Variants in CDH13 observed in about 807,000 individuals in gnomAD.
CDH13 encodes the protein cadherin 13, also known as cadherin-13.
A neutral mutation model predicts 63.8 loss-of-function variants in CDH13; 24 were observed. The ratio of observed to expected loss-of-function variants is 0.38; its 90% CI spans 0.27 to 0.53. The LOEUF (loss-of-function observed/expected upper bound fraction) is 0.53, where lower values mean the gene tolerates loss of function less well. Ranked by LOEUF, CDH13 falls within the 20% of genes least tolerant of loss-of-function variation. CDH13 has a pLI of 0.85. For missense variants in CDH13, 1,049 were observed against 903.1 expected, an observed-to-expected ratio of 1.16 and a Z score of -2.07; for synonymous variants, 503 against 355.3, an observed-to-expected ratio of 1.42 and a Z score of -4.67.
rs116321839 is a variant in CDH13 at position 82,679,528 on chromosome 16, G to A, written c.45+52391G>A. ...GGTAAGATGCCAAATGGTGGAAACC[G>A]AGGCAGAAGATAGTCCTCTGGACAA... On this transcript the variant is annotated intron_variant, in intron 1 of 13. Coordinates refer to ENST00000567109, the MANE Select transcript of CDH13 (RefSeq NM_001257.5). 1.0e-2 allele frequency among the ~76,000 whole-genome samples: 1,516 copies of A among 152,278 alleles called. 20 individuals are homozygous for A. Among genetic ancestry groups the A allele is most frequent in the African/African-American group, 0.033 (1,391 of 41,560 alleles).
At chr16:83,039,023 G>C (rs934688491) in intron 3 of CDH13, among the ~76,000 whole-genome samples, 7 of 152,190 alleles carry the variant, frequency 4.6e-5, no homozygotes, top group Admixed American at 4.6e-4. Flanking sequence ...TTGAAACATG[G>C]AAGCCCACAC....
intron 1 of CDH13, among the ~76,000 whole-genome samples, chr16:82,701,453 A>C (rs1233188025): frequency 3.3e-5 from 5 of 152,136 alleles, no homozygotes; most frequent in African/African-American, 4.8e-5. Context: ...CAAGTGATAG[A>C]AACCTACTCC....
chr16:83,235,464 A>G (rs1000410075), intron 5 of CDH13, among the ~76,000 whole-genome samples: 5 of 152,206 alleles, frequency 3.3e-5, no homozygotes, highest in Non-Finnish European at 5.9e-5. Context: ...GAATCGTGGC[A>G]TGTCAGGGCT....
intron 3 of CDH13, among the ~76,000 whole-genome samples, chr16:83,048,548 G>C (rs1300282927): frequency 2.6e-5 from 4 of 152,060 alleles, no homozygotes. Flanking sequence ...TTGTACTCTA[G>C]TGCCTACAGT....
intron 5 of CDH13, among the ~76,000 whole-genome samples, chr16:83,255,265 T>C (rs1401717523): frequency 2.0e-5 from 3 of 152,136 alleles, no homozygotes; most frequent in African/African-American, 7.2e-5. Flanking sequence ...GGCTTGGCAA[T>C]TAAAAAGACA....
intron 2 of CDH13, among the ~76,000 whole-genome samples, chr16:83,004,730 T>A (rs1913301230): frequency 6.6e-6 from 1 of 152,164 alleles, no homozygotes; most frequent in Non-Finnish European, 1.5e-5. Context: ...TGACCTCAAG[T>A]GATCCGCCCA....
chr16:82,652,839 G>T (rs1910886159), intron 1 of CDH13, among the ~76,000 whole-genome samples: 1 of 152,002 alleles, frequency 6.6e-6, no homozygotes, highest in Admixed American at 6.6e-5. Context: ...GTAACTGTGG[G>T]TTCCAATGAG....
intron 5 of CDH13, among the ~76,000 whole-genome samples, chr16:83,317,731 C>T (rs899288124): frequency 4.0e-5 from 6 of 151,248 alleles, no homozygotes; most frequent in Non-Finnish European, 5.9e-5. Context: ...ACCCGGGAGG[C>T]GGAGGTTGCA....
At chr16:83,607,857 A>G (rs909721230) in intron 8 of CDH13, among the ~76,000 whole-genome samples, 1 of 152,200 alleles carries the variant, frequency 6.6e-6, no homozygotes, top group Non-Finnish European at 1.5e-5. Context: ...TGAAATATAC[A>G]TGAAAACTTC....
intron 1 of CDH13, among the ~76,000 whole-genome samples, chr16:82,840,382 G>GA (rs11370711): frequency 0.14 from 19,282 of 139,274 alleles, 2,680 homozygotes; most frequent in East Asian, 0.77. Context: ...CTCTGAAAAG[G>GA]AAAAAAAAAA....
At chr16:83,143,725 A>G (rs1460665744) in intron 4 of CDH13, among the ~76,000 whole-genome samples, 3 of 152,246 alleles carry the variant, frequency 2.0e-5, no homozygotes, top group African/African-American at 7.2e-5. Flanking sequence ...CTGCTCTTCT[A>G]TACAACCTGC....
chr16:83,276,144 G>T (rs2088980874), intron 5 of CDH13, among the ~76,000 whole-genome samples: 1 of 152,148 alleles, frequency 6.6e-6, no homozygotes, highest in African/African-American at 2.4e-5. Context: ...CTCTCAGGCT[G>T]TTGTCCGAAT....
intron 2 of CDH13, among the ~76,000 whole-genome samples, chr16:83,030,041 A>T (rs998931765): frequency 8.2e-4 from 125 of 152,298 alleles, no homozygotes; most frequent in Non-Finnish European, 4.4e-5. Flanking sequence ...CCACATGCAG[A>T]ATCACCATTG....
At chr16:83,402,826 A>G (rs1156319450) in intron 6 of CDH13, among the ~76,000 whole-genome samples, 3 of 152,152 alleles carry the variant, frequency 2.0e-5, no homozygotes. Flanking sequence ...TTATGTAATG[A>G]GACTATATTT....
At chr16:83,168,032 A>G (rs534745073) in intron 4 of CDH13, among the ~76,000 whole-genome samples, 44 of 152,094 alleles carry the variant, frequency 2.9e-4, no homozygotes, top group African/African-American at 1.0e-3. Context: ...GCAACAATAG[A>G]CAGTGGGGAC....
At chr16:82,974,425 A>T (rs958939343) in intron 2 of CDH13, among the ~76,000 whole-genome samples, 1 of 152,212 alleles carries the variant, frequency 6.6e-6, no homozygotes, top group Non-Finnish European at 1.5e-5. Flanking sequence ...ATTCACATGC[A>T]GATGGGTGTA....
chr16:83,224,905 G>A (rs919030437), intron 5 of CDH13, among the ~76,000 whole-genome samples: 1 of 152,212 alleles, frequency 6.6e-6, no homozygotes, highest in African/African-American at 2.4e-5. Flanking sequence ...TAAGCTCCCT[G>A]CAAGTACAAT....
intron 6 of CDH13, among the ~76,000 whole-genome samples, chr16:83,448,299 C>A (rs533188318): frequency 6.6e-6 from 1 of 152,206 alleles, no homozygotes; most frequent in African/African-American, 2.4e-5. Context: ...CCAGGGCAGG[C>A]ATGCAGACAC....
intron 1 of CDH13, among the ~76,000 whole-genome samples, chr16:82,723,576 G>A (rs1219476747): frequency 1.3e-5 from 2 of 152,142 alleles, no homozygotes; most frequent in African/African-American, 2.4e-5. Context: ...TCTGGTGGGG[G>A]ACAGTGGAGC....
Sources: allele counts gnomAD v4.1 joint callset (sites outside exome capture counted in the v4.1 genomes callset), GRCh38; gene constraint gnomAD v4.1.1; transcripts MANE v1.5; gene names NCBI Gene and HGNC (gene_info 2026-07-23, HGNC 2026-07-21).